GAREM1: variants seen among roughly 807,000 people sequenced by gnomAD.
GAREM1 encodes the protein GRB2 associated regulator of MAPK1 subtype 1.
A neutral mutation model predicts 71.3 loss-of-function variants in GAREM1; 26 were observed. The ratio of observed to expected loss-of-function variants is 0.36; its 90% confidence interval spans 0.27 to 0.51. The LOEUF (loss-of-function observed/expected upper bound fraction) is 0.51, where lower values mean the gene tolerates loss of function less well. Among genes scored for constraint, GAREM1 ranks in the 20% least tolerant of loss-of-function variants. The probability of loss-of-function intolerance (pLI) is 0.95; values close to 1 mark genes in which losing one functional copy is unlikely to be tolerated. For synonymous variants in GAREM1, 440 were observed against 433.2 expected, an observed-to-expected ratio of 1.02 and a Z score of -0.20; for missense variants, 1,026 against 1,103.1, an observed-to-expected ratio of 0.93 and a Z score of 0.99.
chr18:32,336,947 C>T (rs2047602363), intron 2 of GAREM1, among the ~76,000 whole-genome samples: 1 of 152,180 alleles, frequency 6.6e-6, no homozygotes, highest in Admixed American at 6.5e-5. Flanking sequence ...CAGCACAATT[C>T]CTGGCTCAAA....
chr18:32,468,941 T>C (rs2049023196), intron 1 of GAREM1, among the ~76,000 whole-genome samples: 6 of 127,556 alleles, frequency 4.7e-5, no homozygotes, highest in Admixed American at 7.8e-5. Context: ...CAGAAACGCC[T>C]CAACACACCA....
chr18:32,392,424 T>C (rs370521323), intron 2 of GAREM1, among the ~76,000 whole-genome samples: 1 of 152,298 alleles, frequency 6.6e-6, no homozygotes, highest in East Asian at 1.9e-4. Flanking sequence ...GCCTGTAATC[T>C]AAATGCCTAT....
chr18:32,414,491 C>A (rs2048449275), intron 1 of GAREM1, among the ~76,000 whole-genome samples: 1 of 151,520 alleles, frequency 6.6e-6, no homozygotes, highest in South Asian at 2.1e-4. Context: ...TTAAAACATG[C>A]AAAAAAACTG....
At chr18:32,286,677 GCTGCC>G (rs2047020940) in intron 4 of GAREM1, among the ~76,000 whole-genome samples, 2 of 152,104 alleles carry the variant, frequency 1.3e-5, no homozygotes, top group Admixed American at 1.3e-4. Context: ...GCCACTACCA[GCTGCC>G]ACGGTTTAGG....
chr18:32,289,849 G>A (rs1188621417), intron 3 of GAREM1, among the ~76,000 whole-genome samples: 1 of 152,186 alleles, frequency 6.6e-6, no homozygotes, highest in Non-Finnish European at 1.5e-5. Context: ...CAGTGGTGCT[G>A]AGGTTGAGAA....
At chr18:32,315,331 G>A (rs1353582440) in intron 2 of GAREM1, among the ~76,000 whole-genome samples, 1 of 151,106 alleles carries the variant, frequency 6.6e-6, no homozygotes, top group African/African-American at 2.4e-5. Context: ...CACATTTAAA[G>A]AGAAGAGGTA....
In GAREM1 at chr18:32,263,645, T is replaced by C. The variant is rs568762120; in HGVS notation, c.*4226A>G. Reference sequence around the variant, plus strand: ...CACATTGGGCCCATTAGATAACGTTTTGGAAAGTAATGCCATTGTTAACTG... The same window carrying C: ...CACATTGGGCCCATTAGATAACGTTCTGGAAAGTAATGCCATTGTTAACTG... On this transcript the variant is annotated 3_prime_UTR_variant, in exon 6 of 6. Transcript: ENST00000269209. 1 of 152,308 alleles carries C rather than the reference T, an allele frequency of 6.6e-6. No individual in the cohort carries two copies. Among genetic ancestry groups the C allele is most frequent in the African/African-American group, 2.4e-5 (1 of 41,578 alleles). 9.4% of individuals were successfully genotyped at this position (152,308 alleles called of 1,614,324 possible). A position where few individuals can be genotyped will look rare whatever the true frequency, so the allele number is the denominator to read the frequency against.
At position 32,287,059 on chromosome 18, in the gene GAREM1, G is replaced by A. The variant is rs1378957507; in HGVS notation, c.1538C>T (p.Pro513Leu). Residue 513 changes from proline to leucine, a missense_variant, in exon 4 of 6, where the codon CCA (proline) becomes CTA (leucine). This residue lies in a region of GAREM1 where 636 missense variants were observed against 631.2 expected (regional missense o/e 1.01). Coordinates refer to ENST00000269209, the MANE Select transcript of GAREM1 (RefSeq NM_001242409.2). The surrounding 1 kb of genome is among the most constrained non-coding windows in gnomAD (Gnocchi z 5.9). ...AVKSSDTALP[P>L]PPVPPKSEAV... ...TTCAGATTTGGGAGGCACTGGAGGT[G>A]GAGGTAGGGCAGTATCTGAAGACTT... The A allele has an allele frequency of 6.2e-7, 1 of 1,613,804 alleles. No individual in the cohort carries two copies. Among genetic ancestry groups the A allele is most frequent in the East Asian group, 2.2e-5 (1 of 44,880 alleles).
chr18:32,354,342 T>C (rs971569689), intron 2 of GAREM1, among the ~76,000 whole-genome samples: 3 of 152,154 alleles, frequency 2.0e-5, no homozygotes, highest in African/African-American at 7.2e-5. Context: ...TGGATTTCAG[T>C]GCCAAAAAGA....
At chr18:32,359,953 T>A (rs1440226255) in intron 2 of GAREM1, among the ~76,000 whole-genome samples, 2 of 151,490 alleles carry the variant, frequency 1.3e-5, no homozygotes, top group East Asian at 3.9e-4. Flanking sequence ...AATAAATAAA[T>A]AAAAAATTGA....
chr18:32,281,522 CCTGT>C (rs1294453216), intron 4 of GAREM1, among the ~76,000 whole-genome samples: 23 of 152,190 alleles, frequency 1.5e-4, no homozygotes, highest in African/African-American at 5.5e-4. Context: ...GTGGGGCAAC[CCTGT>C]CTAACACAAA....
chr18:32,419,390 G>A (rs2048499109), intron 1 of GAREM1, among the ~76,000 whole-genome samples: 1 of 152,078 alleles, frequency 6.6e-6, no homozygotes, highest in African/African-American at 2.4e-5. Flanking sequence ...GGGGCATCTG[G>A]GAAGTAAGTA....
At chr18:32,431,367 C>T (rs1054638030) in intron 1 of GAREM1, among the ~76,000 whole-genome samples, 3 of 152,156 alleles carry the variant, frequency 2.0e-5, no homozygotes, top group South Asian at 2.1e-4. Flanking sequence ...TGGTGGCTCA[C>T]GCCTGTAATC....
chr18:32,465,082 C>A (rs2144318931), intron 1 of GAREM1, among the ~76,000 whole-genome samples: 1 of 152,160 alleles, frequency 6.6e-6, no homozygotes, highest in East Asian at 1.9e-4. Flanking sequence ...GTACCTCTAA[C>A]AGAACGAAGG....
At chr18:32,284,410 A>G (rs1392135148) in intron 4 of GAREM1, among the ~76,000 whole-genome samples, 1 of 152,088 alleles carries the variant, frequency 6.6e-6, no homozygotes, top group Non-Finnish European at 1.5e-5. Flanking sequence ...CAAATTTAGC[A>G]TTTCTTTTTT....
intron 1 of GAREM1, among the ~76,000 whole-genome samples, chr18:32,423,420 T>C (rs978435856): frequency 1.3e-5 from 2 of 152,242 alleles, no homozygotes; most frequent in Non-Finnish European, 2.9e-5. Flanking sequence ...ACTACTTCAT[T>C]ATTCTGTTTA....
At chr18:32,398,162 G>T (rs2048276745) in intron 1 of GAREM1, among the ~76,000 whole-genome samples, 1 of 152,164 alleles carries the variant, frequency 6.6e-6, no homozygotes, top group African/African-American at 2.4e-5. Flanking sequence ...CACATTTAAA[G>T]CAGTGTGTAG....
At chr18:32,341,631 C>G (rs2047648695) in intron 2 of GAREM1, among the ~76,000 whole-genome samples, 1 of 152,142 alleles carries the variant, frequency 6.6e-6, no homozygotes, top group South Asian at 2.1e-4. Context: ...TTCTTTAAAG[C>G]AATGGGAAAT....
intron 2 of GAREM1, among the ~76,000 whole-genome samples, chr18:32,344,988 G>A (rs989397830): frequency 6.6e-6 from 1 of 152,172 alleles, no homozygotes; most frequent in African/African-American, 2.4e-5. Context: ...CTTGAACCAG[G>A]GAGGCGGAGG....
Sources: allele counts gnomAD v4.1 joint callset (sites outside exome capture counted in the v4.1 genomes callset), GRCh38; gene constraint gnomAD v4.1.1; regional missense constraint gnomAD v4.1.1; non-coding constraint Gnocchi (gnomAD v3.1); transcripts MANE v1.5; gene names NCBI Gene and HGNC (gene_info 2026-07-23, HGNC 2026-07-21).